Variants in RUNX2 observed in about 807,000 individuals in gnomAD.
RUNX2 encodes the protein RUNX family transcription factor 2, also known as runt-related transcription factor 2.
Under a neutral mutation model 51.7 loss-of-function variants are expected in RUNX2, and 10 were observed. The observed-to-expected ratio is 0.19, with a 90% confidence interval of 0.12 to 0.33. The LOEUF is 0.33. Ranked by LOEUF, RUNX2 falls within the 10% of genes least tolerant of loss-of-function variation. RUNX2 has a pLI of 1.00. For missense variants in RUNX2, 562 were observed against 691.3 expected (o/e 0.81, Z 2.10); for synonymous variants, 276 against 273.6 (o/e 1.01, Z -0.09).
At chr6:45,491,871 C>T in intron 5 of RUNX2, 70 bp from the exon 6 acceptor site, 1 of 1,485,598 alleles carries the variant, frequency 6.7e-7, no homozygotes, top group Non-Finnish European at 9.4e-7. Context: ...TGTATGTTCA[C>T]ATATCTATTT....
intron 5 of RUNX2, among the ~76,000 whole-genome samples, chr6:45,478,486 A>G (rs1800021055): frequency 6.6e-6 from 1 of 152,234 alleles, no homozygotes; most frequent in Non-Finnish European, 1.5e-5. Context: ...CTACAGCCTC[A>G]CAACTAACTT....
intron 2 of RUNX2, chr6:45,421,166 A>G (rs1352614055): frequency 6.6e-6 from 1 of 152,164 alleles, no homozygotes; most frequent in South Asian, 2.1e-4. Flanking sequence ...TGTAGAATAG[A>G]CTTAATAAAA....
intron 5 of RUNX2, among the ~76,000 whole-genome samples, chr6:45,481,588 A>G (rs560664095): frequency 1.8e-4 from 27 of 152,318 alleles, no homozygotes; most frequent in African/African-American, 6.0e-4. Context: ...ATGGTCCAGG[A>G]TGGTGTGAAT....
intron 2 of RUNX2, among the ~76,000 whole-genome samples, chr6:45,396,300 G>A (rs1436618467): frequency 2.0e-5 from 3 of 152,076 alleles, no homozygotes; most frequent in Non-Finnish European, 4.4e-5. Flanking sequence ...TCATGAAATT[G>A]TTGTATAATT....
chr6:45,389,362 A>G (rs948115998), intron 2 of RUNX2, among the ~76,000 whole-genome samples: 5 of 152,242 alleles, frequency 3.3e-5, no homozygotes, highest in Non-Finnish European at 7.3e-5. Flanking sequence ...ATCCTGAACA[A>G]TGAAACAGCC....
At chr6:45,376,132 GCT>G (rs1175413559) in intron 2 of RUNX2, among the ~76,000 whole-genome samples, 1 of 152,222 alleles carries the variant, frequency 6.6e-6, no homozygotes, top group Non-Finnish European at 1.5e-5. Context: ...TACTGTCATA[GCT>G]CTCTGAATCT....
intron 5 of RUNX2, among the ~76,000 whole-genome samples, chr6:45,470,530 T>A (rs2150392801): frequency 6.6e-6 from 1 of 152,326 alleles, no homozygotes; most frequent in African/African-American, 2.4e-5. Flanking sequence ...AAATGTCACA[T>A]GAGTGATACA....
intron 5 of RUNX2, among the ~76,000 whole-genome samples, chr6:45,459,472 T>C (rs1015732737): frequency 3.9e-5 from 6 of 152,162 alleles, no homozygotes; most frequent in Non-Finnish European, 7.4e-5. Context: ...AGGCACAAAG[T>C]TTTACTTTGG....
At chr6:45,367,773 C>T (rs946331036) in intron 2 of RUNX2, among the ~76,000 whole-genome samples, 1 of 152,118 alleles carries the variant, frequency 6.6e-6, no homozygotes, top group Non-Finnish European at 1.5e-5. Flanking sequence ...CAATCTGCTC[C>T]TTTTTCATTT....
chr6:45,419,798 C>T (rs1010944624), intron 2 of RUNX2, among the ~76,000 whole-genome samples: 1 of 152,134 alleles, frequency 6.6e-6, no homozygotes, highest in Non-Finnish European at 1.5e-5. Context: ...TGGCGGCGCC[C>T]GGGCTGGGAG....
chr6:45,450,936 C>G (rs1563092688), intron 5 of RUNX2, among the ~76,000 whole-genome samples: 1 of 152,152 alleles, frequency 6.6e-6, no homozygotes. Context: ...CAAAAGGACT[C>G]TTCATGTTCA....
intron 5 of RUNX2, among the ~76,000 whole-genome samples, chr6:45,450,327 T>C (rs1436038942): frequency 6.6e-6 from 1 of 152,206 alleles, no homozygotes. Flanking sequence ...TTAAAATAGC[T>C]GACAGAGCCT....
intron 2 of RUNX2, among the ~76,000 whole-genome samples, chr6:45,387,225 C>A (rs567458877): frequency 6.6e-6 from 1 of 152,138 alleles, no homozygotes; most frequent in Non-Finnish European, 1.5e-5. Context: ...ACTAAAATGG[C>A]AGTTTTGGAC....
intron 3 of RUNX2, among the ~76,000 whole-genome samples, chr6:45,427,952 A>G (rs1380451032): frequency 6.6e-6 from 1 of 152,196 alleles, no homozygotes; most frequent in African/African-American, 2.4e-5. Flanking sequence ...GGTGCGCTAA[A>G]TAAAGGAACG....
At chr6:45,348,390 G>C (rs1219183661) in intron 2 of RUNX2, among the ~76,000 whole-genome samples, 1 of 151,762 alleles carries the variant, frequency 6.6e-6, no homozygotes, top group Non-Finnish European at 1.5e-5. Flanking sequence ...GCAATAGCCA[G>C]GCACGGTGGC....
chr6:45,381,202 A>G (rs187425773), intron 2 of RUNX2, among the ~76,000 whole-genome samples: 2 of 152,342 alleles, frequency 1.3e-5, no homozygotes, highest in African/African-American at 4.8e-5. Context: ...TGTTCTGACC[A>G]AAAAGATTAC....
At chr6:45,430,042 C>T (rs112347671) in intron 3 of RUNX2, among the ~76,000 whole-genome samples, 3,614 of 151,242 alleles carry the variant, frequency 0.024, 153 homozygotes, top group African/African-American at 0.083. Flanking sequence ...TGCAGTGAGC[C>T]GAGATCGTGC....
chr6:45,402,499 A>G (rs555184203), intron 2 of RUNX2, among the ~76,000 whole-genome samples: 1 of 152,344 alleles, frequency 6.6e-6, no homozygotes, highest in South Asian at 2.1e-4. Context: ...ATTTTTATAG[A>G]GCTTCCTATA....
intron 6 of RUNX2, among the ~76,000 whole-genome samples, chr6:45,507,071 A>G (rs549662138): frequency 6.6e-6 from 1 of 151,740 alleles, no homozygotes; most frequent in Non-Finnish European, 1.5e-5. Flanking sequence ...CTGACCTATA[A>G]CTGCAGTCAG....
Sources: gnomAD v4.1 joint callset for allele counts (sites outside exome capture counted in the v4.1 genomes callset) on GRCh38, gnomAD v4.1.1 for gene constraint, MANE v1.5 for transcripts, NCBI Gene and HGNC (gene_info 2026-07-23, HGNC 2026-07-21) for gene names.